The following CFAP77 variants were observed in gnomAD, a reference collection of about 807,000 sequenced individuals.
The protein encoded by CFAP77 is cilia and flagella associated protein 77.
A neutral mutation model predicts 31.1 loss-of-function variants in CFAP77; 25 were observed. The ratio of observed to expected loss-of-function variants is 0.80; its 90% CI spans 0.59 to 1.12. The LOEUF is 1.12. Among genes scored for constraint, CFAP77 ranks in the 50% most tolerant of loss-of-function variants. The pLI is 0.00. For synonymous variants in CFAP77, 151 were observed against 159.9 expected (o/e 0.94, Z 0.42); for missense variants, 377 against 397.3 (o/e 0.95, Z 0.44).
chr9:132,489,076 G>T (rs759442741), intron 1 of CFAP77, among the ~76,000 whole-genome samples: 2 of 152,140 alleles, frequency 1.3e-5, no homozygotes, highest in African/African-American at 4.8e-5. Flanking sequence ...ATTTTTCTCC[G>T]TTTGCCTCTT....
chr9:132,550,235 T>C (rs1005963634), intron 5 of CFAP77, among the ~76,000 whole-genome samples: 1 of 152,210 alleles, frequency 6.6e-6, no homozygotes, highest in Non-Finnish European at 1.5e-5. Flanking sequence ...AGAAGGTTCT[T>C]CTCCCTGATT....
chr9:132,437,351 A>G (rs1479745714), intron 1 of CFAP77, among the ~76,000 whole-genome samples: 1 of 152,140 alleles, frequency 6.6e-6, no homozygotes, highest in African/African-American at 2.4e-5. Flanking sequence ...GCACTCCAGG[A>G]ACAGAAAGAC....
At chr9:132,466,128 C>G (rs1013965466) in intron 1 of CFAP77, among the ~76,000 whole-genome samples, 1 of 152,002 alleles carries the variant, frequency 6.6e-6, no homozygotes, top group Non-Finnish European at 1.5e-5. Context: ...GCTCTGTTGC[C>G]CAGGCTGGGG....
chr9:132,570,698 G>A (rs1294411658), intron 5 of CFAP77, among the ~76,000 whole-genome samples: 3 of 152,290 alleles, frequency 2.0e-5, no homozygotes, highest in East Asian at 1.9e-4. Context: ...CTGGAAGAAC[G>A]GAGTCTCTGG....
rs561749071 is a variant in CFAP77 at position 132,554,959 on chromosome 9, T to C, written c.732+11912T>C. Reference sequence around the variant, plus strand: ...ATCCACCCATCCATCCATCCATCCATCCATCCATCCATCCATCCATCCATC... The same window carrying C: ...ATCCACCCATCCATCCATCCATCCACCCATCCATCCATCCATCCATCCATC... On this transcript the variant is annotated intron_variant, in intron 5 of 5. Transcript: ENST00000393216. The surrounding 1 kb of genome is among the most constrained non-coding windows in gnomAD (Gnocchi z 4.1). 6.3e-4 allele frequency among the ~76,000 whole-genome samples: 95 copies of C among 151,468 alleles called. No individual in the cohort carries two copies. The highest frequency in any genetic ancestry group is 2.3e-3 in the African/African-American group (94 of 41,168).
intron 1 of CFAP77, among the ~76,000 whole-genome samples, chr9:132,479,844 C>G (rs1225754863): frequency 6.6e-6 from 1 of 152,180 alleles, no homozygotes; most frequent in Non-Finnish European, 1.5e-5. Context: ...TGACACCAAG[C>G]CTATGAATTG....
chr9:132,429,772 T>C (rs1316427189), intron 1 of CFAP77, among the ~76,000 whole-genome samples: 1 of 151,020 alleles, frequency 6.6e-6, no homozygotes, highest in East Asian at 1.9e-4. Context: ...AGGAGAATGG[T>C]GTGAACCCGG....
intron 5 of CFAP77, among the ~76,000 whole-genome samples, chr9:132,570,025 T>A (rs1254716954): frequency 6.6e-6 from 1 of 152,090 alleles, no homozygotes; most frequent in East Asian, 1.9e-4. Flanking sequence ...GAGCCACTGC[T>A]CCCAGCCTCT....
rs936013768 is a variant in CFAP77 at position 132,566,871 on chromosome 9, C to T, written c.733-5517C>T. On this transcript the variant is annotated intron_variant, in intron 5 of 5. Transcript: ENST00000393216. ...CAGGGCACATTCAAGTCCCTCCTGG[C>T]ATGAGAAGTCCTTGCTGGCCGCTGG... is the stretch of plus-strand genomic sequence containing the variant. 2.0e-5 allele frequency among the ~76,000 whole-genome samples: 3 copies of T among 152,238 alleles called. No individual in the cohort carries two copies. The East Asian group carries it at 5.8e-4, about 29-fold the overall frequency.
intron 1 of CFAP77, among the ~76,000 whole-genome samples, chr9:132,486,076 A>T (rs1197693723): frequency 3.5e-4 from 6 of 17,008 alleles, no homozygotes; most frequent in Non-Finnish European, 5.4e-4. Context: ...GTATATATAT[A>T]TATATATATA....
rs139145616 is a variant in CFAP77 at position 132,469,486 on chromosome 9, C to T, written c.196-29209C>T. Among the ~76,000 whole-genome samples, 590 of 152,074 alleles carry T rather than the reference C, an allele frequency of 3.9e-3. 4 individuals are homozygous for T. The highest frequency in any genetic ancestry group is 0.014 in the African/African-American group (563 of 41,466). Reference sequence around the variant, plus strand: ...AAATTAGAGAGGTTTACTTCTGAGGCGCTGGCATAATGAAGGAAAATACCA... The same window carrying T: ...AAATTAGAGAGGTTTACTTCTGAGGTGCTGGCATAATGAAGGAAAATACCA... On this transcript the variant is annotated intron_variant, in intron 1 of 5. Transcript: ENST00000393216.
At position 132,474,981 on chromosome 9, in the gene CFAP77, T is replaced by G. The variant is rs1439042239; in HGVS notation, c.196-23714T>G. On this transcript the variant is annotated intron_variant, in intron 1 of 5. Coordinates refer to ENST00000393216, the MANE Select transcript of CFAP77 (RefSeq NM_001282957.2). Reference sequence around the variant, plus strand: ...TTCTTAAAGAGGATTATATTTGATTTCTTGTGGGAATTCTGGGGTGTGGAA... The same window carrying G: ...TTCTTAAAGAGGATTATATTTGATTGCTTGTGGGAATTCTGGGGTGTGGAA... 2.6e-5 allele frequency among the ~76,000 whole-genome samples: 4 copies of G among 152,220 alleles called. No individual in the cohort carries two copies. The East Asian group carries it at 7.7e-4, about 29-fold the overall frequency.
intron 5 of CFAP77, among the ~76,000 whole-genome samples, chr9:132,546,435 G>A (rs570920041): frequency 2.0e-5 from 3 of 151,674 alleles, no homozygotes; most frequent in South Asian, 2.1e-4. Context: ...AGCCTGTCAC[G>A]GTGATGGATA....
intron 1 of CFAP77, among the ~76,000 whole-genome samples, chr9:132,419,337 A>G (rs1446734667): frequency 6.6e-6 from 1 of 152,182 alleles, no homozygotes; most frequent in Non-Finnish European, 1.5e-5. Flanking sequence ...TAGTGAGAGG[A>G]CACACCGCTG....
intron 3 of CFAP77, among the ~76,000 whole-genome samples, chr9:132,506,738 TTAAC>T (rs1851936809): frequency 6.6e-6 from 1 of 152,176 alleles, no homozygotes; most frequent in South Asian, 2.1e-4. Flanking sequence ...AGCATCCTCA[TTAAC>T]TAACTCTGAA....
chr9:132,560,993 G>A (rs1199456098), intron 5 of CFAP77, among the ~76,000 whole-genome samples: 1 of 152,162 alleles, frequency 6.6e-6, no homozygotes, highest in African/African-American at 2.4e-5. Context: ...GAGAGCCAGT[G>A]GCAGAATAAC....
intron 1 of CFAP77, chr9:132,482,366 G>A: frequency 6.2e-7 from 1 of 1,614,006 alleles, no homozygotes; most frequent in Non-Finnish European, 8.5e-7. Flanking sequence ...CCTCAGCGGT[G>A]CAGAAAGTTA....
chr9:132,468,797 A>ACG (rs1397955802), intron 1 of CFAP77, among the ~76,000 whole-genome samples: 3 of 146,548 alleles, frequency 2.0e-5, no homozygotes, highest in African/African-American at 8.0e-5. Flanking sequence ...ACACGCACAC[A>ACG]CACACACACA....
chr9:132,411,951 T>C (rs1850013420), intron 1 of CFAP77, among the ~76,000 whole-genome samples: 1 of 152,230 alleles, frequency 6.6e-6, no homozygotes, highest in Non-Finnish European at 1.5e-5. Context: ...CTATCATATA[T>C]ACATGTATGC....
Sources: allele counts gnomAD v4.1 joint callset (sites outside exome capture counted in the v4.1 genomes callset), GRCh38; gene constraint gnomAD v4.1.1; non-coding constraint Gnocchi (gnomAD v3.1); transcripts MANE v1.5; gene names NCBI Gene and HGNC (gene_info 2026-07-23, HGNC 2026-07-21).